SLC16A7: variants seen among roughly 807,000 people sequenced by gnomAD.
SLC16A7 encodes the protein monocarboxylate transporter 2.
SLC16A7 carries 33 observed loss-of-function variants against 34.9 expected under a neutral mutation model. That is an observed-to-expected ratio of 0.94 (90% CI 0.72 to 1.26). SLC16A7 has a LOEUF of 1.26. SLC16A7 is among the 50% of genes most tolerant of loss of function. The probability of loss-of-function intolerance (pLI) is 0.00; values close to 1 mark genes in which losing one functional copy is unlikely to be tolerated. For missense variants in SLC16A7, 573 were observed against 578.1 expected, an observed-to-expected ratio of 0.99 and a Z score of 0.09; for synonymous variants, 201 against 206.6, an observed-to-expected ratio of 0.97 and a Z score of 0.23.
chr12:59,779,780 G>T lies in SLC16A7; in HGVS notation c.*101G>T, dbSNP rs1321186900. 4 of 932,054 alleles carry T rather than the reference G, an allele frequency of 4.3e-6. No individual in the cohort carries two copies. The highest frequency in any genetic ancestry group is 6.3e-6 in the Non-Finnish European group (4 of 633,310). 57.7% of individuals were successfully genotyped at this position (932,054 alleles called of 1,614,324 possible). On this transcript the variant is annotated 3_prime_UTR_variant, in exon 6 of 6. Transcript: ENST00000547379. ...TTAGAAAAGGTTTTAGCTGAAATGA[G>T]GAGTCACAATTAAGGATGGAGGTGA...
At chr12:59,614,101 A>C (rs1879328255) in intron 1 of SLC16A7, among the ~76,000 whole-genome samples, 1 of 148,210 alleles carries the variant, frequency 6.7e-6, no homozygotes, top group Admixed American at 6.8e-5. Context: ...CCCAAGCTGG[A>C]GTGCAGTGGT....
chr12:59,626,865 A>G (rs1045311619), intron 1 of SLC16A7, among the ~76,000 whole-genome samples: 1 of 151,842 alleles, frequency 6.6e-6, no homozygotes, highest in Non-Finnish European at 1.5e-5. Context: ...ACTGAGTAAA[A>G]TAGATGTAAA....
At position 59,707,959 on chromosome 12, in the gene SLC16A7, C is replaced by T. The variant is rs1873779927; in HGVS notation, c.217+2941C>T. ...TAGTGGATGAAAATGCTTTTACCTG[C>T]CATGTCCACTGTTGAATATAGATCT... On this transcript the variant is annotated intron_variant, in intron 3 of 5. Transcript: ENST00000547379. Among the ~76,000 whole-genome samples, 5 of 152,160 alleles carry T rather than the reference C, an allele frequency of 3.3e-5. No individual in the cohort carries two copies. The South Asian group carries it at 1.0e-3, about 32-fold the overall frequency.
intron 1 of SLC16A7, among the ~76,000 whole-genome samples, chr12:59,651,942 C>A (rs1304938224): frequency 1.3e-5 from 2 of 152,076 alleles, no homozygotes; most frequent in East Asian, 3.9e-4. Context: ...AGGTATAGAA[C>A]TAAGCTTGAG....
chr12:59,707,939 G>T (rs942619571), intron 3 of SLC16A7, among the ~76,000 whole-genome samples: 1 of 152,078 alleles, frequency 6.6e-6, no homozygotes, highest in African/African-American at 2.4e-5. Flanking sequence ...TTGTCTAGTG[G>T]ATGAAAATGC....
At chr12:59,632,194 T>A (rs1160327352) in intron 1 of SLC16A7, among the ~76,000 whole-genome samples, 1 of 151,960 alleles carries the variant, frequency 6.6e-6, no homozygotes, top group East Asian at 1.9e-4. Flanking sequence ...TTGTATACAA[T>A]GTAAATAGGA....
intron 3 of SLC16A7, among the ~76,000 whole-genome samples, chr12:59,727,579 C>T (rs1280656377): frequency 6.6e-6 from 1 of 152,034 alleles, no homozygotes; most frequent in Non-Finnish European, 1.5e-5. Flanking sequence ...GAAATGCTTT[C>T]AAAGGAGTTG....
Position 59,783,159 on chromosome 12 carries a change from CT to C in SLC16A7, c.*3483del, listed in dbSNP as rs1391131895. The C allele has an allele frequency of 1.2e-4, 19 of 152,166 alleles. No individual in the cohort carries two copies. Among genetic ancestry groups the C allele is most frequent in the African/African-American group, 4.6e-4 (19 of 41,542 alleles). The allele number at this position is 152,166 out of a possible 1,614,324, so 9.4% of individuals were successfully genotyped here. On this transcript the variant is annotated 3_prime_UTR_variant, in exon 6 of 6. Coordinates refer to ENST00000547379, the MANE Select transcript of SLC16A7 (RefSeq NM_001270623.2). The stretch of plus-strand genomic sequence containing the variant: ...TTGAAACATTTTTTATCTAAAACAC[CT>C]TTAAAAAATCCCTTTCATATGTAGA...
chr12:59,696,697 T>C (rs969990577), intron 2 of SLC16A7, among the ~76,000 whole-genome samples: 8 of 151,990 alleles, frequency 5.3e-5, no homozygotes, highest in African/African-American at 1.7e-4. Flanking sequence ...ATTGGTCAAC[T>C]CAAGAGTCAC....
intron 3 of SLC16A7, among the ~76,000 whole-genome samples, chr12:59,718,349 T>G (rs1875165966): frequency 6.6e-6 from 1 of 152,140 alleles, no homozygotes; most frequent in Admixed American, 6.6e-5. Flanking sequence ...CTCATCGTTT[T>G]TACTAAATAT....
At chr12:59,597,548 T>C (rs1878480433) in intron 1 of SLC16A7, among the ~76,000 whole-genome samples, 1 of 152,182 alleles carries the variant, frequency 6.6e-6, no homozygotes, top group Non-Finnish European at 1.5e-5. Flanking sequence ...TTGAATGTGT[T>C]GTGTTACTGG....
chr12:59,735,420 G>A (rs74094091), intron 3 of SLC16A7, among the ~76,000 whole-genome samples: 1,939 of 152,292 alleles, frequency 0.013, 37 homozygotes, highest in African/African-American at 0.044. Context: ...TGGGGAGCCT[G>A]TGGCTTAATG....
chr12:59,641,525 T>C (rs1002986151), intron 1 of SLC16A7, among the ~76,000 whole-genome samples: 1 of 151,606 alleles, frequency 6.6e-6, no homozygotes, highest in African/African-American at 2.4e-5. Flanking sequence ...AGTCCAAATA[T>C]ATATGATAAT....
intron 2 of SLC16A7, among the ~76,000 whole-genome samples, chr12:59,675,998 A>G (rs916147008): frequency 1.3e-5 from 2 of 152,092 alleles, no homozygotes; most frequent in East Asian, 3.9e-4. Context: ...TAAATTTTTT[A>G]TTATTTCATT....
At chr12:59,720,324 G>T in intron 3 of SLC16A7, 1 of 493,714 alleles carries the variant, frequency 2.0e-6, no homozygotes, top group Non-Finnish European at 3.5e-6. Context: ...AGTCTTGTGA[G>T]ACCATAATTA....
chr12:59,621,714 A>G (rs1474664688), intron 1 of SLC16A7, among the ~76,000 whole-genome samples: 1 of 151,782 alleles, frequency 6.6e-6, no homozygotes, highest in Non-Finnish European at 1.5e-5. Flanking sequence ...GTCTTTATAA[A>G]CACTTCAAGG....
intron 2 of SLC16A7, among the ~76,000 whole-genome samples, chr12:59,696,734 A>G (rs1400164526): frequency 6.6e-6 from 1 of 151,956 alleles, no homozygotes; most frequent in Non-Finnish European, 1.5e-5. Context: ...ACAGTGTTGG[A>G]ATTGGAATTT....
intron 3 of SLC16A7, among the ~76,000 whole-genome samples, chr12:59,752,865 G>A (rs560658528): frequency 3.8e-4 from 58 of 152,278 alleles, no homozygotes; most frequent in African/African-American, 1.2e-3. Flanking sequence ...GAAAGATCGG[G>A]TTACCCACAA....
At chr12:59,714,722 G>C (rs908669328) in intron 3 of SLC16A7, among the ~76,000 whole-genome samples, 5 of 152,048 alleles carry the variant, frequency 3.3e-5, no homozygotes, top group African/African-American at 4.8e-5. Flanking sequence ...CCACCACCAT[G>C]CCCAGCAAAT....
Sources: gnomAD v4.1 joint callset for allele counts (sites outside exome capture counted in the v4.1 genomes callset) on GRCh38, gnomAD v4.1.1 for gene constraint, MANE v1.5 for transcripts, NCBI Gene and HGNC (gene_info 2026-07-23, HGNC 2026-07-21) for gene names.